The following DGCR2 variants were observed in gnomAD, a reference collection of about 807,000 sequenced individuals.
DGCR2 encodes the protein integral membrane protein DGCR2/IDD.
In DGCR2, 24 loss-of-function variants were observed where a neutral mutation model predicts 51.6. That is an observed-to-expected ratio of 0.47 (90% CI 0.34 to 0.65). The LOEUF is 0.65. DGCR2 is among the 30% of genes least tolerant of loss of function. The pLI, the probability that DGCR2 is intolerant of heterozygous loss-of-function variation, is 0.01. For missense variants in DGCR2, 765 were observed against 772.1 expected (o/e 0.99, Z 0.11); for synonymous variants, 340 against 315.4 (o/e 1.08, Z -0.82).
At chr22:19,068,029 T>C (rs17743576) in intron 3 of DGCR2, 71 bp downstream of exon 3, 186,945 of 1,476,580 alleles carry the variant, frequency 0.13, 12,486 homozygotes, top group Middle Eastern at 0.16. Flanking sequence ...AGCACAGTAG[T>C]GCTGGAAAGG....
At chr22:19,100,118 A>T (rs1020488319) in intron 1 of DGCR2, among the ~76,000 whole-genome samples, 2 of 151,550 alleles carry the variant, frequency 1.3e-5, no homozygotes, top group African/African-American at 4.9e-5. Context: ...TAAAATACAA[A>T]CATTAGCTGG....
intron 2 of DGCR2, among the ~76,000 whole-genome samples, chr22:19,074,081 T>C (rs2082846684): frequency 6.6e-6 from 1 of 152,160 alleles, no homozygotes; most frequent in Non-Finnish European, 1.5e-5. Flanking sequence ...AAGATATATA[T>C]GAATCTACAG....
Position 19,063,233 on chromosome 22 carries a change from G to A in DGCR2, c.594C>T (p.Ser198=). The A allele has an allele frequency of 1.2e-6, 2 of 1,614,216 alleles. No homozygotes were observed. The highest frequency in any genetic ancestry group is 1.7e-6 in the Non-Finnish European group (2 of 1,180,044). Residue 198 remains serine, a synonymous_variant, in exon 5 of 10, where the codon TCC becomes TCT. Coordinates refer to ENST00000263196, the MANE Select transcript of DGCR2 (RefSeq NM_005137.3). ...YQYVITGRNR[S]LEGRWEVAFK... ...ATGCCACCTCCCAGCGACCTTCCAA[G>A]GAGCGGTTCCGGCCAGTGATAACAT...
chr22:19,075,223 C>T (rs994035762), intron 2 of DGCR2, among the ~76,000 whole-genome samples: 6 of 150,840 alleles, frequency 4.0e-5, no homozygotes, highest in Non-Finnish European at 7.4e-5. Context: ...GTCAGGAGAT[C>T]GAGACCATCC....
intron 1 of DGCR2, among the ~76,000 whole-genome samples, chr22:19,112,198 G>A (rs1312763262): frequency 3.3e-5 from 5 of 149,530 alleles, no homozygotes; most frequent in African/African-American, 9.8e-5. Context: ...GCTTGAACCC[G>A]GGAGGCAGAG....
chr22:19,105,192 G>A (rs58938334), intron 1 of DGCR2, among the ~76,000 whole-genome samples: 2,520 of 152,226 alleles, frequency 0.017, 91 homozygotes, highest in East Asian at 0.062. Flanking sequence ...GCGTGGTGGC[G>A]CACACCTGTA....
Position 19,110,614 on chromosome 22 carries a change from TTAAAG to T in DGCR2, c.79+11509_79+11513del, listed in dbSNP as rs1229089455. On this transcript the variant is annotated intron_variant, in intron 1 of 9. Transcript: ENST00000263196. ...ATGTTCTGCACATGCATCCTGGAAC[TTAAAG>T]TAAAATAAAATTAAATTAAAAAAAA... 4.7e-5 allele frequency among the ~76,000 whole-genome samples: 7 copies of T among 147,996 alleles called. No homozygotes were observed. In the South Asian group the frequency reaches 1.3e-3, roughly 28 times the overall value.
At chr22:19,058,488 A>G (rs1324956054) in intron 5 of DGCR2, among the ~76,000 whole-genome samples, 2 of 151,986 alleles carry the variant, frequency 1.3e-5, no homozygotes, top group African/African-American at 4.8e-5. Context: ...CCTTTCCTCC[A>G]GGCCCCCGAG....
intron 2 of DGCR2, among the ~76,000 whole-genome samples, chr22:19,082,072 T>G (rs2082943867): frequency 1.3e-5 from 2 of 151,330 alleles, no homozygotes; most frequent in Admixed American, 6.6e-5. Context: ...TTGTTTTTTT[T>G]TTTTTGAAAC....
intron 1 of DGCR2, among the ~76,000 whole-genome samples, chr22:19,109,505 A>G (rs2083292819): frequency 3.3e-5 from 5 of 152,234 alleles, no homozygotes. Context: ...ACCTTGAGGT[A>G]AAATAAGCCA....
At chr22:19,093,648 T>C (rs1243169856) in intron 1 of DGCR2, among the ~76,000 whole-genome samples, 3 of 152,202 alleles carry the variant, frequency 2.0e-5, no homozygotes, top group Non-Finnish European at 4.4e-5. Flanking sequence ...GGCTTGCTTG[T>C]AACCAGAATA....
intron 7 of DGCR2, chr22:19,047,669 T>A (rs1290296658): frequency 1.3e-5 from 2 of 152,290 alleles, no homozygotes; most frequent in African/African-American, 4.8e-5. Context: ...CCTGCTCCTC[T>A]CTTTTTGCAA....
At chr22:19,040,060 G>A (rs1335536778) in intron 9 of DGCR2, among the ~76,000 whole-genome samples, 2 of 152,260 alleles carry the variant, frequency 1.3e-5, no homozygotes, top group East Asian at 3.9e-4. Context: ...AACAGCACAA[G>A]GCCCCGGTGA....
At chr22:19,070,629 G>GC (rs35749643) in intron 2 of DGCR2, among the ~76,000 whole-genome samples, 2 of 152,216 alleles carry the variant, frequency 1.3e-5, no homozygotes, top group Admixed American at 6.5e-5. Context: ...GAAGTCATCT[G>GC]CCCCCTGGGG....
At chr22:19,107,686 A>G (rs1313311304) in intron 1 of DGCR2, among the ~76,000 whole-genome samples, 1 of 152,230 alleles carries the variant, frequency 6.6e-6, no homozygotes, top group Non-Finnish European at 1.5e-5. Context: ...TCCATGAGTG[A>G]CACTTTCAAG....
intron 3 of DGCR2, among the ~76,000 whole-genome samples, chr22:19,066,470 A>T (rs2082750842): frequency 1.3e-5 from 2 of 152,190 alleles, no homozygotes; most frequent in African/African-American, 4.8e-5. Context: ...ATGTCAAGGC[A>T]TCAGCTCTCG....
intron 7 of DGCR2, 94 bp downstream of exon 7, chr22:19,048,346 C>T: frequency 7.4e-7 from 1 of 1,357,482 alleles, no homozygotes; most frequent in Non-Finnish European, 1.0e-6. Context: ...TCCATAAACT[C>T]TCCTGAGTCC....
intron 2 of DGCR2, among the ~76,000 whole-genome samples, chr22:19,084,391 G>A (rs1254197057): frequency 1.3e-5 from 2 of 151,112 alleles, no homozygotes; most frequent in African/African-American, 2.4e-5. Flanking sequence ...GGGAGGTGAG[G>A]AGCGTCTCCG....
chr22:19,060,929 G>A, intron 5 of DGCR2: 1 of 496,160 alleles, frequency 2.0e-6, no homozygotes, highest in South Asian at 1.5e-5. Context: ...AAGCGTCTAT[G>A]TACCATGGTA....
Sources: gnomAD v4.1 joint callset for allele counts (sites outside exome capture counted in the v4.1 genomes callset) on GRCh38, gnomAD v4.1.1 for gene constraint, MANE v1.5 for transcripts, NCBI Gene and HGNC (gene_info 2026-07-23, HGNC 2026-07-21) for gene names.